CADM1: variants seen among roughly 807,000 people sequenced by gnomAD.
CADM1 encodes the protein TSLC-1.
A neutral mutation model predicts 53.1 loss-of-function variants in CADM1; 15 were observed. The ratio of observed to expected loss-of-function variants is 0.28; its 90% confidence interval spans 0.19 to 0.44. The LOEUF (loss-of-function observed/expected upper bound fraction) is 0.44, where lower values mean the gene tolerates loss of function less well. Ranked by LOEUF, CADM1 falls within the 20% of genes least tolerant of loss-of-function variation. The pLI is 1.00. For missense variants in CADM1, 434 were observed against 611.3 expected, an observed-to-expected ratio of 0.71 and a Z score of 3.06; for synonymous variants, 281 against 243.0, an observed-to-expected ratio of 1.16 and a Z score of -1.45.
chr11:115,191,125 C>T (rs139889749), intron 9 of CADM1, 184 bp from the exon 10 acceptor site: 349 of 585,576 alleles, frequency 6.0e-4, no homozygotes, highest in African/African-American at 5.0e-3. Flanking sequence ...GTTCTTAATA[C>T]GCAATCGAGG....
rs920885894 is a variant in CADM1, at chr11:115,173,814, G to C, written c.*2660C>G. Reference sequence around the variant, plus strand: ...CCTTAAAAACAGAACTGGCCTAAAGGGAAAAATAAGACGTCGGTGTGACTA... The same window carrying C: ...CCTTAAAAACAGAACTGGCCTAAAGCGAAAAATAAGACGTCGGTGTGACTA... On this transcript the variant is annotated 3_prime_UTR_variant, in exon 12 of 12. Coordinates refer to ENST00000331581, the MANE Select transcript of CADM1 (RefSeq NM_001301043.2). The C allele has an allele frequency of 1.0e-6, 1 of 983,966 alleles. No homozygotes were observed. The highest frequency in any genetic ancestry group is 1.2e-6 in the Non-Finnish European group (1 of 829,138). The allele number at this position is 983,966 out of a possible 1,614,324, so 61.0% of individuals were successfully genotyped here.
intron 1 of CADM1, among the ~76,000 whole-genome samples, chr11:115,428,608 A>G (rs1366766663): frequency 6.6e-6 from 1 of 152,174 alleles, no homozygotes; most frequent in Non-Finnish European, 1.5e-5. Context: ...GTAACCTAGC[A>G]TCCAGTCTAG....
At chr11:115,224,378 AT>A (rs1941522294) in intron 5 of CADM1, among the ~76,000 whole-genome samples, 1 of 152,122 alleles carries the variant, frequency 6.6e-6, no homozygotes, top group Admixed American at 6.6e-5. Context: ...AATAAAACTC[AT>A]TTTGAAAATG....
intron 10 of CADM1, among the ~76,000 whole-genome samples, chr11:115,183,933 C>T (rs1183329784): frequency 1.3e-5 from 2 of 152,170 alleles, no homozygotes; most frequent in Non-Finnish European, 2.9e-5. Context: ...AGAATTGTTG[C>T]GGACTTTTTT....
chr11:115,181,966 C>T (rs564055960), intron 10 of CADM1, among the ~76,000 whole-genome samples: 1 of 152,194 alleles, frequency 6.6e-6, no homozygotes, highest in African/African-American at 2.4e-5. Context: ...AGCATGGCTG[C>T]GACAAAGTCT....
intron 3 of CADM1, among the ~76,000 whole-genome samples, chr11:115,232,924 A>G (rs1645324274): frequency 6.6e-6 from 1 of 152,230 alleles, no homozygotes; most frequent in Admixed American, 6.5e-5. Context: ...CTGATGATCA[A>G]GTTGAATAAT....
chr11:115,471,707 T>C lies in CADM1; in HGVS notation c.124+32564A>G, dbSNP rs564947210. Among the ~76,000 whole-genome samples, 9 of 152,242 alleles carry C rather than the reference T, an allele frequency of 5.9e-5. No individual in the cohort carries two copies. In the South Asian group the frequency reaches 8.3e-4, roughly 14 times the overall value. On this transcript the variant is annotated intron_variant, in intron 1 of 11. Transcript: ENST00000331581. ...TGACGCTGCTGGCCTGGGCACAATATGGGCTGAGATCGGAGGAGAGATGGA... is the reference window on the plus strand; with the variant it reads ...TGACGCTGCTGGCCTGGGCACAATACGGGCTGAGATCGGAGGAGAGATGGA...
chr11:115,458,493 A>AATTATTATTATTATT, intron 1 of CADM1, among the ~76,000 whole-genome samples: 1 of 143,636 alleles, frequency 7.0e-6, no homozygotes, highest in South Asian at 2.3e-4. Context: ...TGTTAGCTGT[A>AATTATTATTATTATT]ATTATTATTA....
intron 1 of CADM1, among the ~76,000 whole-genome samples, chr11:115,380,107 T>C (rs1473181017): frequency 2.0e-5 from 3 of 152,162 alleles, no homozygotes; most frequent in South Asian, 2.1e-4. Context: ...AGCATCCAGA[T>C]GCTACACTCA....
chr11:115,470,820 A>G (rs578098143), intron 1 of CADM1, among the ~76,000 whole-genome samples: 1 of 152,334 alleles, frequency 6.6e-6, no homozygotes, highest in South Asian at 2.1e-4. Flanking sequence ...TCCTTGCAAT[A>G]TAACAATCAT....
chr11:115,409,957 C>T (rs1947418676), intron 1 of CADM1, among the ~76,000 whole-genome samples: 1 of 152,208 alleles, frequency 6.6e-6, no homozygotes, highest in South Asian at 2.1e-4. Context: ...ACAGACAACA[C>T]ATCTGTTCCC....
chr11:115,202,873 CA>C (rs1940500163), intron 8 of CADM1, among the ~76,000 whole-genome samples: 1 of 146,704 alleles, frequency 6.8e-6, no homozygotes, highest in Admixed American at 6.8e-5. Flanking sequence ...TCTTCTCTTT[CA>C]TGTTATTTGA....
intron 3 of CADM1, among the ~76,000 whole-genome samples, chr11:115,234,808 A>C (rs1214023986): frequency 1.4e-5 from 2 of 145,460 alleles, no homozygotes; most frequent in Non-Finnish European, 3.0e-5. Context: ...GAGGAAAATC[A>C]CTTGAACTCA....
chr11:115,440,854 C>T (rs170223), intron 1 of CADM1, among the ~76,000 whole-genome samples: 68,514 of 151,938 alleles, frequency 0.45, 16,796 homozygotes, highest in Non-Finnish European at 0.58. Context: ...ACGTGAGTCA[C>T]TGCAGCCTCA....
At chr11:115,310,684 C>T (rs780461633) in intron 1 of CADM1, among the ~76,000 whole-genome samples, 24 of 152,058 alleles carry the variant, frequency 1.6e-4, no homozygotes, top group Non-Finnish European at 2.8e-4. Flanking sequence ...ACTCCTAAGC[C>T]GCAGCTGTGT....
chr11:115,408,421 G>A (rs1208005437), intron 1 of CADM1, among the ~76,000 whole-genome samples: 1 of 152,174 alleles, frequency 6.6e-6, no homozygotes, highest in Admixed American at 6.5e-5. Context: ...GAAACCAAAA[G>A]GAATAAATCA....
At chr11:115,405,766 T>G (rs1947297163) in intron 1 of CADM1, among the ~76,000 whole-genome samples, 1 of 152,156 alleles carries the variant, frequency 6.6e-6, no homozygotes, top group South Asian at 2.1e-4. Flanking sequence ...ATATTTTATC[T>G]AAAACATGCA....
chr11:115,320,218 G>C (rs1474771716), intron 1 of CADM1, among the ~76,000 whole-genome samples: 1 of 151,990 alleles, frequency 6.6e-6, no homozygotes, highest in Non-Finnish European at 1.5e-5. Context: ...CACCATGGCT[G>C]ACTAATTTCC....
intron 1 of CADM1, among the ~76,000 whole-genome samples, chr11:115,363,941 T>C (rs999625931): frequency 1.3e-5 from 2 of 152,094 alleles, no homozygotes; most frequent in Admixed American, 1.3e-4. Flanking sequence ...TTCATTACAG[T>C]AACATGCTGT....
Sources: allele counts gnomAD v4.1 joint callset (sites outside exome capture counted in the v4.1 genomes callset), GRCh38; gene constraint gnomAD v4.1.1; transcripts MANE v1.5; gene names NCBI Gene and HGNC (gene_info 2026-07-23, HGNC 2026-07-21).